The following GPC5 variants were observed in gnomAD, a reference collection of about 807,000 sequenced individuals.
GPC5 encodes the protein glypican-5.
A neutral mutation model predicts 53.9 loss-of-function variants in GPC5; 47 were observed. The ratio of observed to expected loss-of-function variants is 0.87; its 90% CI spans 0.69 to 1.11. The LOEUF (loss-of-function observed/expected upper bound fraction) is 1.11. Among genes scored for constraint, GPC5 ranks in the 50% most tolerant of loss-of-function variants. GPC5 has a pLI of 0.00. For missense variants in GPC5, 748 were observed against 713.1 expected (o/e 1.05, Z -0.56); for synonymous variants, 286 against 263.3 (o/e 1.09, Z -0.84).
intron 2 of GPC5, among the ~76,000 whole-genome samples, chr13:91,641,365 A>C (rs908678900): frequency 6.6e-6 from 1 of 152,132 alleles, no homozygotes; most frequent in Non-Finnish European, 1.5e-5. Context: ...AACAAACCAA[A>C]AAAACCAAAC....
At chr13:92,122,172 G>A (rs1594771832) in intron 6 of GPC5, among the ~76,000 whole-genome samples, 2 of 152,256 alleles carry the variant, frequency 1.3e-5, no homozygotes, top group East Asian at 3.9e-4. Context: ...GAAATTGTAT[G>A]TGGAGAGCAG....
At chr13:92,609,231 A>T (rs1884356206) in intron 7 of GPC5, among the ~76,000 whole-genome samples, 1 of 152,184 alleles carries the variant, frequency 6.6e-6, no homozygotes, top group Admixed American at 6.5e-5. Context: ...AATGCTTAGC[A>T]TATAGTAGGT....
intron 2 of GPC5, among the ~76,000 whole-genome samples, chr13:91,676,718 G>T (rs1464901544): frequency 6.6e-6 from 1 of 152,134 alleles, no homozygotes; most frequent in Admixed American, 6.5e-5. Context: ...AGATCTTAAT[G>T]GTTTGGAGGC....
At chr13:91,861,921 T>C (rs1220802412) in intron 5 of GPC5, among the ~76,000 whole-genome samples, 1 of 151,724 alleles carries the variant, frequency 6.6e-6, no homozygotes, top group African/African-American at 2.4e-5. Context: ...TACAACTTCA[T>C]ATACAATGTA....
intron 2 of GPC5, among the ~76,000 whole-genome samples, chr13:91,493,295 C>A (rs923683163): frequency 3.9e-5 from 6 of 152,170 alleles, no homozygotes; most frequent in African/African-American, 1.4e-4. Context: ...ATAATCACAT[C>A]ATGGAAAATG....
chr13:92,752,900 G>A (rs1477158392), intron 7 of GPC5, among the ~76,000 whole-genome samples: 1 of 152,196 alleles, frequency 6.6e-6, no homozygotes, highest in Admixed American at 6.5e-5. Context: ...CAAGGCGGCA[G>A]TGAGGCTGGG....
chr13:92,529,209 C>A (rs1383027003), intron 7 of GPC5, among the ~76,000 whole-genome samples: 1 of 151,724 alleles, frequency 6.6e-6, no homozygotes, highest in East Asian at 1.9e-4. Flanking sequence ...GCCTTCCTGC[C>A]CAATATTTTA....
At position 92,090,195 on chromosome 13, in the gene GPC5, C is replaced by T. The variant is rs146534730; in HGVS notation, c.1402-54635C>T. On this transcript the variant is annotated intron_variant, in intron 6 of 7. Coordinates refer to ENST00000377067, the MANE Select transcript of GPC5 (RefSeq NM_004466.6). ...AGTTTCTTGTTGTTTTATCATCATA[C>T]GTACAACTTTTATTGAAATATTTCT... Among the ~76,000 whole-genome samples, 44 of 152,170 alleles carry T rather than the reference C, an allele frequency of 2.9e-4. No homozygotes were observed. The East Asian group carries it at 6.2e-3, about 21-fold the overall frequency.
chr13:91,761,875 C>G (rs1236589270), intron 5 of GPC5, among the ~76,000 whole-genome samples: 1 of 152,158 alleles, frequency 6.6e-6, no homozygotes, highest in Non-Finnish European at 1.5e-5. Context: ...TCTCCCCTCC[C>G]TGGAGGTTGG....
intron 6 of GPC5, among the ~76,000 whole-genome samples, chr13:92,062,891 G>T (rs912452515): frequency 1.3e-5 from 2 of 152,000 alleles, no homozygotes; most frequent in African/African-American, 2.4e-5. Context: ...GCCCCTAATT[G>T]CTGGAGATAC....
At chr13:92,582,361 G>T (rs755913467) in intron 7 of GPC5, among the ~76,000 whole-genome samples, 5 of 152,020 alleles carry the variant, frequency 3.3e-5, no homozygotes, top group Non-Finnish European at 7.4e-5. Context: ...CCAAAAATGA[G>T]TAGATGTTTT....
intron 2 of GPC5, among the ~76,000 whole-genome samples, chr13:91,641,790 T>G (rs2034437042): frequency 6.6e-6 from 1 of 152,164 alleles, no homozygotes; most frequent in Admixed American, 6.5e-5. Flanking sequence ...CATTGGATGC[T>G]TTTCTAAGGA....
At position 91,572,051 on chromosome 13, in the gene GPC5, A is replaced by ACGTG. The variant is rs1566516753; in HGVS notation, c.326-121136_326-121135insCGTG. Reference sequence around the variant, plus strand: ...TGTATATATGTGTATATACACACATATGTATATATACATGTATATACACAC... The same window carrying ACGTG: ...TGTATATATGTGTATATACACACATACGTGTGTATATATACATGTATATACACAC... On this transcript the variant is annotated intron_variant, in intron 2 of 7. Transcript: ENST00000377067. Among the ~76,000 whole-genome samples, 11 of 46,052 alleles carry ACGTG rather than the reference A, an allele frequency of 2.4e-4. 3 individuals carry two copies. In the African/African-American group the frequency reaches 2.9e-3, roughly 12 times the overall value. 30.2% of individuals were successfully genotyped at this position (46,052 alleles called of 152,430 possible). A position where few individuals can be genotyped will look rare whatever the true frequency, so the allele number is the denominator to read the frequency against.
Position 91,752,820 on chromosome 13 carries a change from C to A in GPC5, c.1155-3475C>A, listed in dbSNP as rs2037207700. ...TCCAGGATGTGCACAGTTCTTGAAC[C>A]AGTAGCATCAACATCACATGAGTGC... On this transcript the variant is annotated intron_variant, in intron 4 of 7. Coordinates refer to ENST00000377067, the MANE Select transcript of GPC5 (RefSeq NM_004466.6). Among the ~76,000 whole-genome samples, 3 of 152,164 alleles carry A rather than the reference C, an allele frequency of 2.0e-5. No homozygotes were observed. The South Asian group carries it at 6.2e-4, about 31-fold the overall frequency.
chr13:91,990,188 C>T (rs1370054605), intron 6 of GPC5, among the ~76,000 whole-genome samples: 1 of 152,128 alleles, frequency 6.6e-6, no homozygotes, highest in Non-Finnish European at 1.5e-5. Flanking sequence ...AGTTGTACCA[C>T]AGGGACTACA....
intron 2 of GPC5, among the ~76,000 whole-genome samples, chr13:91,612,603 AAAAC>A (rs907996889): frequency 3.3e-5 from 5 of 152,176 alleles, no homozygotes; most frequent in South Asian, 4.1e-4. Flanking sequence ...CCCATGGATT[AAAAC>A]AAACAAACAA....
chr13:92,398,428 C>CAAAAAAAAAA (rs35873316), intron 7 of GPC5, among the ~76,000 whole-genome samples: 71 of 87,640 alleles, frequency 8.1e-4, no homozygotes, highest in African/African-American at 3.3e-3. Context: ...GACTCCGTCT[C>CAAAAAAAAAA]AAAAAAAAAA....
At chr13:92,096,491 G>C (rs532000645) in intron 6 of GPC5, among the ~76,000 whole-genome samples, 1 of 152,306 alleles carries the variant, frequency 6.6e-6, no homozygotes, top group South Asian at 2.1e-4. Context: ...GCCATGGTAT[G>C]AATGTATTCA....
chr13:91,875,962 G>A (rs896348802), intron 5 of GPC5, among the ~76,000 whole-genome samples: 1 of 152,176 alleles, frequency 6.6e-6, no homozygotes, highest in African/African-American at 2.4e-5. Flanking sequence ...GGGACCCAGG[G>A]GGAGGTAATT....
Sources: gnomAD v4.1 joint callset for allele counts (sites outside exome capture counted in the v4.1 genomes callset) on GRCh38, gnomAD v4.1.1 for gene constraint, MANE v1.5 for transcripts, NCBI Gene and HGNC (gene_info 2026-07-23, HGNC 2026-07-21) for gene names.